NRG1: variants seen among roughly 807,000 people sequenced by gnomAD.
NRG1 encodes the protein pro-neuregulin-1, membrane-bound isoform.
A neutral mutation model predicts 63.8 loss-of-function variants in NRG1; 18 were observed. The observed-to-expected ratio is 0.28, with a 90% CI of 0.19 to 0.42. The LOEUF is 0.42. Among genes scored for constraint, NRG1 ranks in the 10% least tolerant of loss-of-function variants. NRG1 has a pLI of 1.00. For synonymous variants in NRG1, 302 were observed against 301.3 expected (o/e 1.00, Z -0.02); for missense variants, 762 against 814.7 (o/e 0.94, Z 0.79).
intron 1 of NRG1, among the ~76,000 whole-genome samples, chr8:31,967,875 T>G (rs1214815959): frequency 6.6e-6 from 1 of 152,202 alleles, no homozygotes; most frequent in East Asian, 1.9e-4. Context: ...TTGGAGACAC[T>G]GGTCATAGTT....
At chr8:32,250,889 T>C (rs373773036) in intron 1 of NRG1, among the ~76,000 whole-genome samples, 4 of 152,198 alleles carry the variant, frequency 2.6e-5, no homozygotes, top group East Asian at 3.9e-4. Context: ...CAGACATGTA[T>C]ACTTATTTAT....
chr8:32,427,921 A>G (rs1360812918), intron 1 of NRG1, among the ~76,000 whole-genome samples: 1 of 152,202 alleles, frequency 6.6e-6, no homozygotes, highest in Non-Finnish European at 1.5e-5. Context: ...TAGCTAGACT[A>G]GACTAGATTG....
At chr8:31,882,329 TAAA>T (rs745615085) in intron 1 of NRG1, among the ~76,000 whole-genome samples, 16,178 of 79,666 alleles carry the variant, frequency 0.2, 1,142 homozygotes, top group Middle Eastern at 0.31. Flanking sequence ...GCTCAAAAAC[TAAA>T]AAAAAAAAAA....
chr8:32,496,335 A>C (rs1827192034), intron 1 of NRG1, among the ~76,000 whole-genome samples: 1 of 152,218 alleles, frequency 6.6e-6, no homozygotes, highest in Non-Finnish European at 1.5e-5. Context: ...AAGATTGGCC[A>C]GTTATGGTGG....
At chr8:32,507,338 T>C (rs539984426) in intron 1 of NRG1, among the ~76,000 whole-genome samples, 1 of 152,258 alleles carries the variant, frequency 6.6e-6, no homozygotes, top group Non-Finnish European at 1.5e-5. Flanking sequence ...GAATATAAAG[T>C]TTGTAGGAGA....
At chr8:31,730,559 C>A (rs1347904436) in intron 1 of NRG1, among the ~76,000 whole-genome samples, 1 of 152,082 alleles carries the variant, frequency 6.6e-6, no homozygotes, top group African/African-American at 2.4e-5. Flanking sequence ...AGACAATTTG[C>A]TATCAATTTG....
At chr8:32,632,156 G>C (rs1850426573) in intron 5 of NRG1, among the ~76,000 whole-genome samples, 1 of 152,144 alleles carries the variant, frequency 6.6e-6, no homozygotes, top group South Asian at 2.1e-4. Context: ...GATTTTTAAA[G>C]TGAAAATCAT....
At chr8:32,648,401 A>G (rs764907346) in intron 5 of NRG1, 2 of 1,609,446 alleles carry the variant, frequency 1.2e-6, no homozygotes, top group Non-Finnish European at 1.7e-6. Flanking sequence ...AGAGAGAGAG[A>G]GAGAGACGAT....
intron 1 of NRG1, among the ~76,000 whole-genome samples, chr8:32,459,579 A>G (rs1023077463): frequency 3.3e-5 from 5 of 151,992 alleles, no homozygotes; most frequent in African/African-American, 1.2e-4. Flanking sequence ...AGTCTGGGCA[A>G]CATAGTGAGA....
intron 1 of NRG1, among the ~76,000 whole-genome samples, chr8:32,275,814 C>T (rs960395606): frequency 2.0e-5 from 3 of 151,582 alleles, no homozygotes; most frequent in Admixed American, 6.6e-5. Flanking sequence ...AGATGATGCC[C>T]CTGCCTCTAC....
At chr8:31,669,358 C>T (rs1806874346) in intron 1 of NRG1, among the ~76,000 whole-genome samples, 1 of 152,114 alleles carries the variant, frequency 6.6e-6, no homozygotes, top group Admixed American at 6.5e-5. Flanking sequence ...CTGCCTCAGC[C>T]TCCCAAGCAG....
chr8:31,694,709 G>A (rs888345089), intron 1 of NRG1, among the ~76,000 whole-genome samples: 1 of 152,130 alleles, frequency 6.6e-6, no homozygotes, highest in African/African-American at 2.4e-5. Context: ...TCTAACCCAG[G>A]TCTTTTTCAT....
At chr8:32,181,987 T>G (rs1841476789) in intron 1 of NRG1, among the ~76,000 whole-genome samples, 1 of 152,228 alleles carries the variant, frequency 6.6e-6, no homozygotes, top group Admixed American at 6.5e-5. Flanking sequence ...TGTATTAAAC[T>G]TATCAGTAAG....
intron 1 of NRG1, among the ~76,000 whole-genome samples, chr8:32,575,862 T>G (rs1366930781): frequency 6.6e-6 from 1 of 152,186 alleles, no homozygotes; most frequent in Non-Finnish European, 1.5e-5. Context: ...AAGCACAAAT[T>G]TAAAATGGGT....
downstream of NRG1, among the ~76,000 whole-genome samples, chr8:32,772,066 T>A (rs571493288): frequency 1.3e-3 from 5 of 3,898 alleles, no homozygotes; most frequent in Non-Finnish European, 3.4e-3. Flanking sequence ...TATATATATA[T>A]ATATATATAT....
intron 1 of NRG1, among the ~76,000 whole-genome samples, chr8:31,817,019 TA>T (rs888290607): frequency 4.7e-4 from 72 of 151,862 alleles, no homozygotes; most frequent in African/African-American, 1.5e-3. Context: ...TCCCTCATTA[TA>T]AAAAAAAATT....
intron 1 of NRG1, among the ~76,000 whole-genome samples, chr8:32,223,084 G>A (rs984171781): frequency 1.3e-5 from 2 of 152,242 alleles, no homozygotes; most frequent in Middle Eastern, 3.4e-3. Flanking sequence ...CAACAAAATA[G>A]CATGTAGTTG....
At chr8:32,765,173 G>A (rs1478225222) in exon 12 of NRG1, 1 of 152,050 alleles carries the variant, frequency 6.6e-6, no homozygotes, top group East Asian at 1.9e-4. Context: ...TGCTATCAGG[G>A]TAAATCTAAC....
In NRG1 at chr8:31,818,901, C is replaced by CA. The variant is rs569810645; in HGVS notation, c.37+179477dup. Among the ~76,000 whole-genome samples, 589 of 152,112 alleles carry CA rather than the reference C, an allele frequency of 3.9e-3. 1 individual carries two copies. Among genetic ancestry groups the CA allele is most frequent in the Middle Eastern group, 0.02 (6 of 294 alleles). On this transcript the variant is annotated intron_variant, in intron 1 of 10. Coordinates refer to the NRG1 transcript ENST00000519301. ...TGAAACCCTGTCTCTACTAAAAATA[C>CA]AAAAAAATAGCCGGGCGTGGTGGGC...
Sources: gnomAD v4.1 joint callset for allele counts (sites outside exome capture counted in the v4.1 genomes callset) on GRCh38, gnomAD v4.1.1 for gene constraint, MANE v1.5 for transcripts, NCBI Gene and HGNC (gene_info 2026-07-23, HGNC 2026-07-21) for gene names.